ADGRL4: variants seen among roughly 807,000 people sequenced by gnomAD.
ADGRL4 encodes EGF, latrophilin and seven transmembrane domain containing 1.
In ADGRL4, 90 loss-of-function variants were observed where a neutral mutation model predicts 74.8. The ratio of observed to expected loss-of-function variants is 1.20; its 90% CI spans 1.02 to 1.43. The LOEUF is 1.43. Among genes scored for constraint, ADGRL4 ranks in the 40% most tolerant of loss-of-function variants. The probability of loss-of-function intolerance (pLI) is 0.00; values close to 1 mark genes in which losing one functional copy is unlikely to be tolerated. For missense variants in ADGRL4, 881 were observed against 814.3 expected (o/e 1.08, Z -1.00); for synonymous variants, 311 against 279.2 (o/e 1.11, Z -1.14).
rs114367266 is a variant in ADGRL4 at position 78,997,691 on chromosome 1, T to C, written c.172+7379A>G. On this transcript the variant is annotated intron_variant, in intron 2 of 14. Transcript: ENST00000370742. Reference sequence around the variant, plus strand: ...TGGCAAATTTTTCTATTTATTCATCTAGGTGTTTATATTGTTCACTTTTCC... The same window carrying C: ...TGGCAAATTTTTCTATTTATTCATCCAGGTGTTTATATTGTTCACTTTTCC... 5.4e-3 allele frequency among the ~76,000 whole-genome samples: 820 copies of C among 152,296 alleles called. 8 individuals carry two copies. Among genetic ancestry groups the C allele is most frequent in the African/African-American group, 0.017 (694 of 41,556 alleles).
intron 2 of ADGRL4, among the ~76,000 whole-genome samples, chr1:78,982,403 TAAGACATAGGGCAA>T (rs995492084): frequency 7.9e-5 from 12 of 151,874 alleles, no homozygotes; most frequent in Non-Finnish European, 1.5e-4. Context: ...CAAAGTGGCT[TAAGACATAGGGCAA>T]TTAATTATCT....
intron 3 of ADGRL4, among the ~76,000 whole-genome samples, chr1:78,942,555 C>G (rs12091398): frequency 0.06 from 9,112 of 152,248 alleles, 298 homozygotes; most frequent in South Asian, 0.098. Context: ...ACTTTCCTCA[C>G]TACCAACTTA....
chr1:78,935,206 A>G (rs1186945053), intron 7 of ADGRL4, among the ~76,000 whole-genome samples: 1 of 152,232 alleles, frequency 6.6e-6, no homozygotes, highest in Non-Finnish European at 1.5e-5. Flanking sequence ...CATATACACC[A>G]TGAAAAACTA....
intron 2 of ADGRL4, among the ~76,000 whole-genome samples, chr1:78,983,996 C>T (rs1650446032): frequency 6.6e-6 from 1 of 151,588 alleles, no homozygotes; most frequent in African/African-American, 2.4e-5. Context: ...ATAGTGAACT[C>T]AGAAGGAAAG....
At chr1:78,898,762 T>C (rs1282126671) in intron 12 of ADGRL4, among the ~76,000 whole-genome samples, 1 of 152,168 alleles carries the variant, frequency 6.6e-6, no homozygotes, top group African/African-American at 2.4e-5. Context: ...GTGATATTTA[T>C]CTATAAAGAG....
At chr1:78,945,177 A>AAAAAAAAAAAAAATATAT (rs376405445) in intron 3 of ADGRL4, among the ~76,000 whole-genome samples, 2 of 127,936 alleles carry the variant, frequency 1.6e-5, no homozygotes, top group East Asian at 2.8e-4. Flanking sequence ...AAAAAAAAAA[A>AAAAAAAAAAAAAATATAT]ATATATATAT....
intron 12 of ADGRL4, among the ~76,000 whole-genome samples, chr1:78,902,810 G>T (rs1648546946): frequency 6.6e-6 from 1 of 151,892 alleles, no homozygotes; most frequent in Non-Finnish European, 1.5e-5. Context: ...ATAGCTAACA[G>T]GATTTAGTGT....
intron 2 of ADGRL4, among the ~76,000 whole-genome samples, chr1:78,950,296 T>C (rs1557509626): frequency 6.6e-6 from 1 of 151,764 alleles, no homozygotes; most frequent in Non-Finnish European, 1.5e-5. Flanking sequence ...AACAGCGTAA[T>C]TTAGAGGAGG....
rs1648258132 is a variant in ADGRL4 at position 78,890,987 on chromosome 1, C to T, written c.*167G>A. On this transcript the variant is annotated 3_prime_UTR_variant, in exon 15 of 15. Transcript: ENST00000370742. ...TATATCTATATGATACATAATTTTA[C>T]CTTATTATCTACAGTTCCTATAGCA... The T allele has an allele frequency of 5.9e-6, 4 of 674,000 alleles. No homozygotes were observed. The highest frequency in any genetic ancestry group is 7.9e-6 in the Non-Finnish European group (3 of 379,564). The allele number at this position is 674,000 out of a possible 1,614,324, so 41.8% of individuals were successfully genotyped here.
At chr1:78,898,990 C>G (rs899480886) in intron 12 of ADGRL4, among the ~76,000 whole-genome samples, 1 of 152,124 alleles carries the variant, frequency 6.6e-6, no homozygotes, top group Non-Finnish European at 1.5e-5. Flanking sequence ...AATCAGACTT[C>G]AAAATGAAGC....
intron 10 of ADGRL4, 75 bp from the exon 11 acceptor site, chr1:78,918,125 T>G: frequency 8.3e-7 from 1 of 1,202,042 alleles, no homozygotes; most frequent in Non-Finnish European, 1.2e-6. Flanking sequence ...ATCTCTACTT[T>G]CGCTGTAAAT....
chr1:78,938,171 A>T lies in ADGRL4; in HGVS notation c.505T>A (p.Ser169Thr). ...IITYIEILAE[S>T]SSLLGYKNNT... ...TTCTTGTAACCTAGTAATGAAGATG[A>T]TTCAGCTAATATTTCTATATATGTA... Residue 169 changes from serine to threonine, a missense_variant, in exon 5 of 15, where the codon TCA becomes ACA. Transcript: ENST00000370742. 5 of 1,612,678 alleles carry T rather than the reference A, an allele frequency of 3.1e-6. No individual in the cohort carries two copies. Among genetic ancestry groups the T allele is most frequent in the Non-Finnish European group, 4.2e-6 (5 of 1,179,460 alleles).
intron 2 of ADGRL4, among the ~76,000 whole-genome samples, chr1:78,971,540 C>T (rs1650166203): frequency 6.6e-6 from 1 of 152,134 alleles, no homozygotes; most frequent in Non-Finnish European, 1.5e-5. Flanking sequence ...GCAGGAAGCA[C>T]ACTAGCAGGA....
At chr1:78,954,303 T>C (rs1049857266) in intron 2 of ADGRL4, among the ~76,000 whole-genome samples, 17 of 151,904 alleles carry the variant, frequency 1.1e-4, no homozygotes, top group Admixed American at 1.1e-3. Flanking sequence ...AGGACAAAAA[T>C]ATCGAATTTA....
intron 2 of ADGRL4, among the ~76,000 whole-genome samples, chr1:78,996,126 T>C (rs918900341): frequency 2.6e-5 from 4 of 152,206 alleles, no homozygotes; most frequent in African/African-American, 4.8e-5. Flanking sequence ...AAAGTAGTGG[T>C]TAAATGAAAG....
chr1:78,916,207 C>T (rs937612468), intron 12 of ADGRL4, among the ~76,000 whole-genome samples: 1 of 151,886 alleles, frequency 6.6e-6, no homozygotes, highest in African/African-American at 2.4e-5. Flanking sequence ...AATACTTCCC[C>T]TTTCTTATTT....
chr1:78,980,986 A>T (rs1474600513), intron 2 of ADGRL4, among the ~76,000 whole-genome samples: 1 of 151,980 alleles, frequency 6.6e-6, no homozygotes, highest in African/African-American at 2.4e-5. Flanking sequence ...ACTACCAGAC[A>T]TTTGTGCAGT....
intron 7 of ADGRL4, among the ~76,000 whole-genome samples, chr1:78,930,112 G>A (rs578141039): frequency 9.9e-5 from 15 of 151,448 alleles, no homozygotes; most frequent in Middle Eastern, 3.4e-3. Context: ...TAGAGGATAC[G>A]AAAACACTTC....
chr1:79,001,789 A>G (rs1027764990), intron 2 of ADGRL4, among the ~76,000 whole-genome samples: 2 of 152,102 alleles, frequency 1.3e-5, no homozygotes, highest in African/African-American at 2.4e-5. Flanking sequence ...GGATACGATA[A>G]ATATTGTAAT....
Sources: gnomAD v4.1 joint callset for allele counts (sites outside exome capture counted in the v4.1 genomes callset) on GRCh38, gnomAD v4.1.1 for gene constraint, MANE v1.5 for transcripts, NCBI Gene and HGNC (gene_info 2026-07-23, HGNC 2026-07-21) for gene names.